SGCG: variants seen among roughly 807,000 people sequenced by gnomAD.
SGCG encodes gamma-sarcoglycan.
In SGCG, 26 loss-of-function variants were observed where a neutral mutation model predicts 29.3. The observed-to-expected ratio is 0.89, with a 90% CI of 0.65 to 1.23. The LOEUF (loss-of-function observed/expected upper bound fraction) is 1.23. SGCG is among the 50% of genes most tolerant of loss of function. The pLI is 0.00. For missense variants in SGCG, 353 were observed against 356.0 expected, an observed-to-expected ratio of 0.99 and a Z score of 0.07; for synonymous variants, 145 against 129.7, an observed-to-expected ratio of 1.12 and a Z score of -0.80.
chr13:23,279,643 T>C (rs1275969541), intron 5 of SGCG, among the ~76,000 whole-genome samples, 165 bp downstream of exon 5: 1 of 150,842 alleles, frequency 6.6e-6, no homozygotes, highest in Non-Finnish European at 1.5e-5. Context: ...GATGCTCTCC[T>C]AGAAGAACAA....
intron 2 of SGCG, among the ~76,000 whole-genome samples, chr13:23,223,456 T>G (rs1005207209): frequency 1.3e-5 from 2 of 152,268 alleles, no homozygotes; most frequent in Admixed American, 1.3e-4. Flanking sequence ...GACTTTAAAT[T>G]ATCACAAATG....
At chr13:23,235,490 A>G (rs1456475248) in intron 3 of SGCG, among the ~76,000 whole-genome samples, 1 of 152,250 alleles carries the variant, frequency 6.6e-6, no homozygotes, top group Non-Finnish European at 1.5e-5. Context: ...CATTGTTATT[A>G]AATACTTATG....
intron 2 of SGCG, among the ~76,000 whole-genome samples, chr13:23,230,100 T>G (rs1879051486): frequency 6.6e-6 from 1 of 152,196 alleles, no homozygotes; most frequent in East Asian, 1.9e-4. Context: ...TGCAGGTGTG[T>G]GGCCTTATTT....
intron 6 of SGCG, among the ~76,000 whole-genome samples, chr13:23,299,440 A>AATT (rs1882048741): frequency 1.9e-4 from 1 of 5,258 alleles, no homozygotes; most frequent in African/African-American, 5.4e-4. Context: ...ATATATATAT[A>AATT]TATATATATA....
intron 6 of SGCG, among the ~76,000 whole-genome samples, chr13:23,306,903 G>A (rs1882382116): frequency 6.6e-6 from 1 of 152,130 alleles, no homozygotes; most frequent in Admixed American, 6.6e-5. Context: ...ATGACATCTT[G>A]GGCTCCTGAG....
chr13:23,267,294 ACTGGCCTCT>A (rs1270497426), intron 4 of SGCG, among the ~76,000 whole-genome samples: 2 of 152,280 alleles, frequency 1.3e-5, no homozygotes, highest in East Asian at 3.9e-4. Context: ...CACCAGGACC[ACTGGCCTCT>A]ACTCTGAGGA....
chr13:23,321,590 C>T (rs1883044079), intron 7 of SGCG, among the ~76,000 whole-genome samples: 1 of 152,170 alleles, frequency 6.6e-6, no homozygotes, highest in Non-Finnish European at 1.5e-5. Flanking sequence ...CTCAGTGACT[C>T]ACGGGCTGGG....
At chr13:23,170,746 T>C in the SGCG span, 1 of 152,426 alleles carries the variant, frequency 6.6e-6, no homozygotes, top group Admixed American at 6.5e-5. Context: ...TAAAGACTTC[T>C]AAGTAGCTGG....
chr13:23,291,327 AAT>A lies in SGCG; in HGVS notation c.506-4085_506-4084del, dbSNP rs558187230. 2.5e-3 allele frequency among the ~76,000 whole-genome samples: 370 copies of A among 149,176 alleles called. 1 individual carries two copies. The highest frequency in any genetic ancestry group is 4.4e-3 in the Non-Finnish European group (296 of 67,220). On this transcript the variant is annotated intron_variant, in intron 5 of 7. Transcript: ENST00000218867. ...AATTTTAGATTATATGACTTCAAAT[AAT>A]ATGTTTCATTTTCCACAAAGAAGAG...
At position 23,320,643 on chromosome 13, in the gene SGCG, A is replaced by G; in HGVS notation, c.585A>G (p.Glu195=). Residue 195 remains glutamate, a synonymous_variant, in exon 7 of 8, where the codon GAA becomes GAG. Transcript: ENST00000218867. ...RADPFQDLRL[E]SPTRSLSMDA... is the part of the protein sequence containing the mutation. ...CTTCTTTTCCTCATCTCAGATTAGAATCCCCCACTCGGAGTCTAAGCATGG... is the reference window on the plus strand; with the variant it reads ...CTTCTTTTCCTCATCTCAGATTAGAGTCCCCCACTCGGAGTCTAAGCATGG... The G allele has an allele frequency of 6.4e-7, 1 of 1,574,666 alleles. No individual in the cohort carries two copies.
intron 1 of SGCG, among the ~76,000 whole-genome samples, chr13:23,192,348 A>G (rs711221): frequency 0.8 from 121,331 of 151,888 alleles, 48,701 homozygotes; most frequent in African/African-American, 0.87. Flanking sequence ...AGTTGGTAGG[A>G]TCTTTATTTA....
rs1267713836 is a variant in SGCG, at chr13:23,299,441, TATATATATATATATA to T, written c.578+3955_578+3969del. ...ATATATATATATATATATATATATA[TATATATATATATATA>T]TTTTTTTTTTTTTTTTAGTCGGAGT... is the stretch of plus-strand genomic sequence containing the variant. On this transcript the variant is annotated intron_variant, in intron 6 of 7. Coordinates refer to ENST00000218867, the MANE Select transcript of SGCG (RefSeq NM_000231.3). 9.5e-3 allele frequency among the ~76,000 whole-genome samples: 207 copies of T among 21,688 alleles called. 16 individuals are homozygous for T. The highest frequency in any genetic ancestry group is 0.027 in the African/African-American group (193 of 7,262). The allele number at this position is 21,688 out of a possible 152,430, so 14.2% of individuals were successfully genotyped here.
chr13:23,310,333 G>A lies in SGCG; in HGVS notation c.579-10304G>A, dbSNP rs147789943. On this transcript the variant is annotated intron_variant, in intron 6 of 7. Transcript: ENST00000218867. Reference sequence around the variant, plus strand: ...GATCTCCTGACCTCATGATCTGCCCGCCTCGGCCTCCCAAAGTGCTGGGAT... The same window carrying A: ...GATCTCCTGACCTCATGATCTGCCCACCTCGGCCTCCCAAAGTGCTGGGAT... 7.2e-5 allele frequency among the ~76,000 whole-genome samples: 11 copies of A among 151,916 alleles called. 1 individual carries two copies. The South Asian group carries it at 1.7e-3, about 23-fold the overall frequency.
At chr13:23,179,747 G>A (rs1282647738), upstream of SGCG, among the ~76,000 whole-genome samples, 1 of 152,278 alleles carries the variant, frequency 6.6e-6, no homozygotes, top group Admixed American at 6.5e-5. Flanking sequence ...CTGCTGGTAT[G>A]ATAGAAGTAT....
chr13:23,161,234 A>G, the SGCG span, among the ~76,000 whole-genome samples: 1 of 152,326 alleles, frequency 6.6e-6, no homozygotes, highest in South Asian at 2.1e-4. Context: ...ATTAAGTACC[A>G]CTAATTAATA....
intron 5 of SGCG, among the ~76,000 whole-genome samples, chr13:23,292,973 C>T (rs1341454974): frequency 6.6e-6 from 1 of 152,126 alleles, no homozygotes; most frequent in Non-Finnish European, 1.5e-5. Flanking sequence ...AAAATGAATA[C>T]ATATCATTAT....
intron 3 of SGCG, chr13:23,246,784 T>C (rs946138188): frequency 2.4e-5 from 5 of 209,290 alleles, no homozygotes; most frequent in Admixed American, 4.4e-5. Context: ...CCCATGATGA[T>C]CCACTGCCGA....
intron 5 of SGCG, among the ~76,000 whole-genome samples, chr13:23,288,618 A>G (rs118124426): frequency 2.7e-4 from 41 of 152,338 alleles, no homozygotes; most frequent in Non-Finnish European, 4.7e-4. Flanking sequence ...TAGGCCTTTA[A>G]GCAGGCTCAT....
the SGCG span, among the ~76,000 whole-genome samples, chr13:23,172,710 G>C: frequency 6.6e-6 from 1 of 152,198 alleles, no homozygotes; most frequent in Non-Finnish European, 1.5e-5. Flanking sequence ...AGAGACTAAG[G>C]ATATGTAGGT....
Sources: gnomAD v4.1 joint callset for allele counts (sites outside exome capture counted in the v4.1 genomes callset) on GRCh38, gnomAD v4.1.1 for gene constraint, MANE v1.5 for transcripts, NCBI Gene and HGNC (gene_info 2026-07-23, HGNC 2026-07-21) for gene names.